COL23A1: variants seen among roughly 807,000 people sequenced by gnomAD.
COL23A1 encodes collagen type XXIII alpha 1 chain.
COL23A1 carries 97 observed loss-of-function variants against 99.3 expected under a neutral mutation model. The observed-to-expected ratio is 0.98, with a 90% CI of 0.83 to 1.16. COL23A1 has a LOEUF of 1.16. Ranked by LOEUF, COL23A1 falls within the 50% of genes most tolerant of loss-of-function variation. COL23A1 has a pLI of 0.00. For synonymous variants in COL23A1, 320 were observed against 308.2 expected, an observed-to-expected ratio of 1.04 and a Z score of -0.40; for missense variants, 762 against 757.4, an observed-to-expected ratio of 1.01 and a Z score of -0.07.
rs183230021 is a variant in COL23A1 at position 178,296,688 on chromosome 5, G to A, written c.407-6319C>T. Among the ~76,000 whole-genome samples, 474 of 152,074 alleles carry A rather than the reference G, an allele frequency of 3.1e-3. 1 individual carries two copies. Among genetic ancestry groups the A allele is most frequent in the Non-Finnish European group, 6.0e-3 (405 of 67,984 alleles). ...CGGTAGTCCAGCCAGAGGCAGTCCC[G>A]TAGGACCCTAAACCCATGGCACCAT... On this transcript the variant is annotated intron_variant, in intron 3 of 28. Transcript: ENST00000390654.
chr5:178,357,766 A>ATGTGTGTGTGTATG (rs1242086218), intron 2 of COL23A1, among the ~76,000 whole-genome samples: 1 of 114,858 alleles, frequency 8.7e-6, no homozygotes, highest in South Asian at 2.8e-4. Flanking sequence ...GTGTACGTGT[A>ATGTGTGTGTGTATG]TGTATGTGTG....
At position 178,589,214 on chromosome 5, in the gene COL23A1, C is replaced by CTAA. The variant is rs757520036; in HGVS notation, c.294+689_294+690insTTA. Among the ~76,000 whole-genome samples, 22 of 152,150 alleles carry CTAA rather than the reference C, an allele frequency of 1.4e-4. No individual in the cohort carries two copies. Among genetic ancestry groups the CTAA allele is most frequent in the Non-Finnish European group, 2.9e-4 (20 of 68,024 alleles). ...GAAGTCGCGATTCCCAGGTAAGGGA[C>CTAA]GGGAAACTCCGGATGTCCTGCGAGC... On this transcript the variant is annotated intron_variant, in intron 1 of 28. Transcript: ENST00000390654. This position sits in a 1 kb window ranked among gnomAD's most constrained non-coding sequence, Gnocchi z 5.4.
chr5:178,427,024 C>T (rs1347887016), intron 2 of COL23A1, among the ~76,000 whole-genome samples: 1 of 152,128 alleles, frequency 6.6e-6, no homozygotes, highest in Admixed American at 6.6e-5. Context: ...TGGTGAAACC[C>T]CGTCTCTACT....
intron 16 of COL23A1, 129 bp downstream of exon 16, chr5:178,254,820 C>G: frequency 2.6e-6 from 2 of 759,996 alleles, no homozygotes; most frequent in Non-Finnish European, 4.5e-6. Flanking sequence ...TAGTAACAGC[C>G]GGGGTCTTTG....
rs1561940786 is a variant in COL23A1, at chr5:178,403,136, AAT to A, written c.362-96219_362-96218del. On this transcript the variant is annotated intron_variant, in intron 2 of 28. Transcript: ENST00000390654. Reference sequence around the variant, plus strand: ...AAAAAAAAAAAATAAATAAATAAAAAATAAATACCATTTACCGAAATCTTCTA... The same window carrying A: ...AAAAAAAAAAAATAAATAAATAAAAAAAATACCATTTACCGAAATCTTCTA... Among the ~76,000 whole-genome samples, 422 of 145,686 alleles carry A rather than the reference AAT, an allele frequency of 2.9e-3. 72 individuals are homozygous for A. Among genetic ancestry groups the A allele is most frequent in the East Asian group, 5.8e-3 (29 of 4,980 alleles).
chr5:178,549,350 A>T (rs1266977804), intron 2 of COL23A1, among the ~76,000 whole-genome samples: 2 of 152,352 alleles, frequency 1.3e-5, no homozygotes, highest in Middle Eastern at 3.4e-3. Flanking sequence ...GAAAAGACAC[A>T]CAAATAACAA....
chr5:178,552,069 C>T (rs1196864317), intron 2 of COL23A1, among the ~76,000 whole-genome samples: 1 of 152,128 alleles, frequency 6.6e-6, no homozygotes, highest in Non-Finnish European at 1.5e-5. Flanking sequence ...CAATTATCAT[C>T]TTCCCCAGGA....
intron 2 of COL23A1, among the ~76,000 whole-genome samples, chr5:178,531,247 G>A (rs904143249): frequency 1.3e-5 from 2 of 152,216 alleles, no homozygotes; most frequent in Admixed American, 6.5e-5. Context: ...GGAAGGGACT[G>A]TAGAGATAAT....
At chr5:178,347,358 C>T (rs1761030766) in intron 2 of COL23A1, among the ~76,000 whole-genome samples, 2 of 151,506 alleles carry the variant, frequency 1.3e-5, no homozygotes, top group African/African-American at 2.4e-5. Context: ...GGAAATGTCC[C>T]GAACAGGCGA....
chr5:178,518,297 T>C (rs1759680591), intron 2 of COL23A1, among the ~76,000 whole-genome samples: 1 of 149,196 alleles, frequency 6.7e-6, no homozygotes, highest in Non-Finnish European at 1.5e-5. Flanking sequence ...TGTCTACTTC[T>C]TTCTACACAG....
Position 178,428,809 on chromosome 5 carries a change from TG to T in COL23A1, c.362-121891del, listed in dbSNP as rs1447783033. Among the ~76,000 whole-genome samples, 1 of 152,162 alleles carries T rather than the reference TG, an allele frequency of 6.6e-6. No individual in the cohort carries two copies. The highest frequency in any genetic ancestry group is 2.4e-5 in the African/African-American group (1 of 41,446). ...GATTTTAACTGCTCATCTGCCCAGATGGGGGCTGTGCAAGCAGGGTCTGCAA... is the reference window on the plus strand; with the variant it reads ...GATTTTAACTGCTCATCTGCCCAGATGGGGCTGTGCAAGCAGGGTCTGCAA... On this transcript the variant is annotated intron_variant, in intron 2 of 28. Transcript: ENST00000390654. This position sits in a 1 kb window ranked among gnomAD's most constrained non-coding sequence, Gnocchi z 5.0.
chr5:178,574,609 A>G (rs1054468858), intron 1 of COL23A1, among the ~76,000 whole-genome samples: 1 of 152,182 alleles, frequency 6.6e-6, no homozygotes, highest in East Asian at 1.9e-4. Flanking sequence ...AGACATTCAG[A>G]TAACATACAT....
chr5:178,559,140 C>T (rs190316454), intron 2 of COL23A1, among the ~76,000 whole-genome samples: 20 of 152,270 alleles, frequency 1.3e-4, no homozygotes, highest in Middle Eastern at 3.4e-3. Context: ...TTGTCAAATC[C>T]TCTTTCTCGT....
intron 2 of COL23A1, among the ~76,000 whole-genome samples, chr5:178,411,678 C>T (rs1206250245): frequency 1.3e-5 from 2 of 152,176 alleles, no homozygotes; most frequent in East Asian, 1.9e-4. Flanking sequence ...GGTTCTTTTG[C>T]GGTGATGAAA....
intron 5 of COL23A1, among the ~76,000 whole-genome samples, chr5:178,273,742 A>T (rs1756427433): frequency 6.6e-6 from 1 of 152,086 alleles, no homozygotes; most frequent in Admixed American, 6.5e-5. Context: ...CAGGCCCCCG[A>T]GCTTTCTGTG....
chr5:178,289,132 G>A (rs533032938), intron 4 of COL23A1, among the ~76,000 whole-genome samples: 2 of 151,994 alleles, frequency 1.3e-5, no homozygotes, highest in East Asian at 3.9e-4. Context: ...CTTGGCTCAC[G>A]GTGGGGCTGC....
intron 2 of COL23A1, among the ~76,000 whole-genome samples, chr5:178,357,748 A>C (rs375233264): frequency 7.2e-6 from 1 of 138,292 alleles, no homozygotes; most frequent in Non-Finnish European, 1.6e-5. Context: ...ATGTACGTGT[A>C]TGTGTGTGTG....
intron 15 of COL23A1, 38 bp downstream of exon 15, chr5:178,256,315 C>G (rs1765295170): frequency 6.5e-7 from 1 of 1,543,654 alleles, no homozygotes; most frequent in Non-Finnish European, 8.8e-7. Context: ...GCCCCTAGAT[C>G]TCATCCCTGA....
In COL23A1 at chr5:178,313,831, G is replaced by C. The variant is rs1322482295; in HGVS notation, c.362-6912C>G. Among the ~76,000 whole-genome samples the C allele has an allele frequency of 2.0e-5, 3 of 152,098 alleles. No homozygotes were observed. On this transcript the variant is annotated intron_variant, in intron 2 of 28. Transcript: ENST00000390654. This position sits in a 1 kb window ranked among gnomAD's most constrained non-coding sequence, Gnocchi z 4.2. The stretch of plus-strand genomic sequence containing the variant: ...TGCTGGGGCTTCAGGGCCATCAGGG[G>C]GTGCACCTTGAGCAGAGAAGGCAAG...
Sources: gnomAD v4.1 joint callset for allele counts (sites outside exome capture counted in the v4.1 genomes callset) on GRCh38, gnomAD v4.1.1 for gene constraint, Gnocchi (gnomAD v3.1) non-coding constraint, MANE v1.5 for transcripts, NCBI Gene and HGNC (gene_info 2026-07-23, HGNC 2026-07-21) for gene names.